MEIKIN: variants seen among roughly 807,000 people sequenced by gnomAD.
The protein encoded by MEIKIN is meiosis-specific kinetochore protein.
intron 8 of MEIKIN, among the ~76,000 whole-genome samples, chr5:131,884,881 G>A (rs945514633): frequency 6.6e-6 from 1 of 152,156 alleles, no homozygotes; most frequent in African/African-American, 2.4e-5. Flanking sequence ...ACACTGGTGG[G>A]TACCCTGGCA....
intron 10 of MEIKIN, among the ~76,000 whole-genome samples, chr5:131,852,394 G>T (rs1022914942): frequency 6.6e-6 from 1 of 152,136 alleles, no homozygotes; most frequent in African/African-American, 2.4e-5. Context: ...GCGGAACTGT[G>T]AGCCAATTGA....
intron 9 of MEIKIN, among the ~76,000 whole-genome samples, chr5:131,859,489 G>A (rs1350895977): frequency 6.6e-6 from 1 of 152,060 alleles, no homozygotes; most frequent in Non-Finnish European, 1.5e-5. Context: ...TACAAGATCT[G>A]GTTGTTTAAA....
At chr5:131,874,428 G>T (rs1006745019) in intron 9 of MEIKIN, among the ~76,000 whole-genome samples, 25 of 150,428 alleles carry the variant, frequency 1.7e-4, no homozygotes, top group Non-Finnish European at 3.4e-4. Context: ...CACATACATC[G>T]TCCCAAGACT....
intron 8 of MEIKIN, among the ~76,000 whole-genome samples, chr5:131,887,867 A>AC (rs1750829979): frequency 2.0e-5 from 1 of 49,282 alleles, no homozygotes; most frequent in Non-Finnish European, 3.6e-5. Context: ...CCCTCCCCCC[A>AC]CCCCACAACA....
chr5:131,919,206 T>TA (rs886434205), intron 6 of MEIKIN, among the ~76,000 whole-genome samples: 13 of 150,900 alleles, frequency 8.6e-5, no homozygotes, highest in African/African-American at 1.5e-4. Context: ...TAGCAAAAAT[T>TA]AAAAAAAAAT....
intron 11 of MEIKIN, among the ~76,000 whole-genome samples, chr5:131,825,888 A>T (rs1429474469): frequency 6.6e-6 from 1 of 152,234 alleles, no homozygotes. Context: ...TGTAACTGCC[A>T]CATGTAAGTC....
At chr5:131,850,948 A>G (rs1265048945) in intron 11 of MEIKIN, among the ~76,000 whole-genome samples, 1 of 152,134 alleles carries the variant, frequency 6.6e-6, no homozygotes, top group African/African-American at 2.4e-5. Flanking sequence ...ACTCTGTCAA[A>G]AAAAAAGAAA....
At chr5:131,918,050 A>T (rs1751444299) in intron 6 of MEIKIN, among the ~76,000 whole-genome samples, 2 of 152,316 alleles carry the variant, frequency 1.3e-5, no homozygotes, top group Non-Finnish European at 1.5e-5. Flanking sequence ...AATGAAGCCC[A>T]TGTGTAAGGT....
chr5:131,842,854 G>C (rs1410879618), intron 11 of MEIKIN, among the ~76,000 whole-genome samples: 3 of 152,122 alleles, frequency 2.0e-5, no homozygotes, highest in Non-Finnish European at 2.9e-5. Flanking sequence ...AATGATGGTA[G>C]CTCCAACCCC....
At position 131,858,960 on chromosome 5, in the gene MEIKIN, C is replaced by A. The variant is rs551773053; in HGVS notation, c.775-4126G>T. Reference sequence around the variant, plus strand: ...CAAGATTGTGGAGAAAAGGGGAATGCTTATCCACTGCTGGTGGGAATATAA... The same window carrying A: ...CAAGATTGTGGAGAAAAGGGGAATGATTATCCACTGCTGGTGGGAATATAA... On this transcript the variant is annotated intron_variant, in intron 9 of 12. Coordinates refer to ENST00000442687, the MANE Select transcript of MEIKIN (RefSeq NM_001303622.2). Among the ~76,000 whole-genome samples the A allele has an allele frequency of 4.6e-5, 7 of 152,266 alleles. No homozygotes were observed. In the South Asian group the frequency reaches 1.4e-3, roughly 32 times the overall value.
intron 11 of MEIKIN, among the ~76,000 whole-genome samples, chr5:131,850,655 T>C (rs578096539): frequency 6.6e-6 from 1 of 152,160 alleles, no homozygotes; most frequent in African/African-American, 2.4e-5. Flanking sequence ...CCTTACCTAA[T>C]ACTATACACA....
chr5:131,928,844 T>C (rs967271838), intron 5 of MEIKIN, among the ~76,000 whole-genome samples: 8 of 152,222 alleles, frequency 5.3e-5, no homozygotes, highest in African/African-American at 1.7e-4. Flanking sequence ...AAGAGCTTAA[T>C]AGTAAACTAC....
At chr5:131,843,529 C>T (rs1057386374) in intron 11 of MEIKIN, among the ~76,000 whole-genome samples, 4 of 152,196 alleles carry the variant, frequency 2.6e-5, no homozygotes, top group African/African-American at 7.2e-5. Context: ...ATTTCTCCCA[C>T]CAGATATCTT....
intron 9 of MEIKIN, among the ~76,000 whole-genome samples, chr5:131,870,420 G>A (rs551714195): frequency 6.6e-6 from 1 of 151,740 alleles, no homozygotes; most frequent in South Asian, 2.1e-4. Context: ...CCTGACGATG[G>A]AGTTTTCCAG....
chr5:131,825,198 T>G (rs1176051728), intron 11 of MEIKIN, among the ~76,000 whole-genome samples: 2 of 152,096 alleles, frequency 1.3e-5, no homozygotes, highest in Non-Finnish European at 2.9e-5. Flanking sequence ...AGACCCTGTC[T>G]TAAAATAATA....
At chr5:131,932,436 A>C (rs906136517) in intron 5 of MEIKIN, among the ~76,000 whole-genome samples, 1 of 152,194 alleles carries the variant, frequency 6.6e-6, no homozygotes, top group Non-Finnish European at 1.5e-5. Context: ...CTGGGGTTCC[A>C]CGAGAGAGGC....
chr5:131,859,991 C>T (rs891135158), intron 9 of MEIKIN, among the ~76,000 whole-genome samples: 47 of 152,088 alleles, frequency 3.1e-4, no homozygotes, highest in African/African-American at 1.1e-3. Context: ...TAGTGTAGTG[C>T]CTTGAGCTTG....
chr5:131,925,399 C>T (rs1224118660), intron 5 of MEIKIN, among the ~76,000 whole-genome samples: 1 of 152,150 alleles, frequency 6.6e-6, no homozygotes, highest in Non-Finnish European at 1.5e-5. Context: ...TTAAGTCTTC[C>T]AACTCATAAA....
chr5:131,856,891 G>A (rs972633318), intron 9 of MEIKIN, among the ~76,000 whole-genome samples: 4 of 150,980 alleles, frequency 2.6e-5, no homozygotes, highest in African/African-American at 9.7e-5. Context: ...GCAGGTTTTG[G>A]GGACTGAGGC....
Sources: gnomAD v4.1 joint callset for allele counts (sites outside exome capture counted in the v4.1 genomes callset) on GRCh38, gnomAD v4.1.1 for gene constraint, MANE v1.5 for transcripts, NCBI Gene and HGNC (gene_info 2026-07-23, HGNC 2026-07-21) for gene names.